Variants in DIS3L2 observed in about 807,000 individuals in gnomAD.
DIS3L2 encodes the protein DIS3 like 3'-5' exoribonuclease 2, also known as DIS3-like exonuclease 2.
Under a neutral mutation model 97.5 loss-of-function variants are expected in DIS3L2, and 34 were observed. The ratio of observed to expected loss-of-function variants is 0.35; its 90% CI spans 0.27 to 0.46. The LOEUF (loss-of-function observed/expected upper bound fraction) is 0.46, where lower values mean the gene tolerates loss of function less well. Among genes scored for constraint, DIS3L2 ranks in the 20% least tolerant of loss-of-function variants. The pLI, the probability that DIS3L2 is intolerant of heterozygous loss-of-function variation, is 1.00. For missense variants in DIS3L2, 1,038 were observed against 1,146.0 expected (o/e 0.91, Z 1.36); for synonymous variants, 435 against 445.2 (o/e 0.98, Z 0.29).
chr2:232,329,519 A>G (rs1396040702), intron 14 of DIS3L2: 2 of 363,954 alleles, frequency 5.5e-6, no homozygotes, highest in East Asian at 8.1e-5. Context: ...GCAGTGAATT[A>G]TTTAATAGAT....
rs1343991695 is a variant in DIS3L2, at chr2:232,333,893, C to A, written c.2064C>A (p.His688Gln). 6.2e-7 allele frequency: 1 copy of A among 1,612,926 alleles called. No individual in the cohort carries two copies. ...TGCAGGACCCAGCGCAGTTCCGGCA[C>A]TACGCGCTCAATGTGCCCCTGTACA... ...GLLQDPAQFR[H>Q]YALNVPLYTH... The change falls in exon 17 of 21, where the codon CAC (histidine) becomes CAA (glutamine). Residue 688 changes from histidine (H) to glutamine (Q), a missense_variant. Coordinates refer to ENST00000325385, the MANE Select transcript of DIS3L2 (RefSeq NM_152383.5).
intron 14 of DIS3L2, among the ~76,000 whole-genome samples, chr2:232,323,277 G>A (rs1695486110): frequency 6.6e-6 from 1 of 152,224 alleles, no homozygotes; most frequent in South Asian, 2.1e-4. Context: ...CCGAACTTGG[G>A]GAGCGAATGA....
At chr2:232,192,631 C>T (rs1691644538) in intron 9 of DIS3L2, among the ~76,000 whole-genome samples, 1 of 152,188 alleles carries the variant, frequency 6.6e-6, no homozygotes, top group Admixed American at 6.5e-5. Flanking sequence ...TCTGCCTCCC[C>T]ACACCTGGAG....
intron 5 of DIS3L2, among the ~76,000 whole-genome samples, chr2:232,048,601 G>C (rs1299274739): frequency 2.0e-5 from 3 of 152,010 alleles, no homozygotes; most frequent in Non-Finnish European, 4.4e-5. Context: ...GTGTGGCGGG[G>C]TGCGCCTGTA....
At chr2:232,332,807 C>A (rs534134842) in intron 16 of DIS3L2, among the ~76,000 whole-genome samples, 2 of 152,170 alleles carry the variant, frequency 1.3e-5, no homozygotes, top group Non-Finnish European at 2.9e-5. Context: ...CAGAGGTGCC[C>A]GGGTGAAGCG....
At chr2:232,101,257 CTG>C in intron 6 of DIS3L2, among the ~76,000 whole-genome samples, 1 of 151,066 alleles carries the variant, frequency 6.6e-6, no homozygotes, top group East Asian at 1.9e-4. Context: ...ATTTAAAAAT[CTG>C]TGTCTGTAAA....
chr2:232,105,480 T>C lies in DIS3L2; in HGVS notation c.601+17759T>C, dbSNP rs558338914. 5.4e-4 allele frequency among the ~76,000 whole-genome samples: 82 copies of C among 152,326 alleles called. 2 individuals carry two copies. The South Asian group carries it at 0.016, about 30-fold the overall frequency. ...ATAACTGGAGCTTGCCCAGCTCTTT[T>C]TCAGGCTTTTCCTTTTCACTTCTTT... is the stretch of plus-strand genomic sequence containing the variant. On this transcript the variant is annotated intron_variant, in intron 6 of 20. Coordinates refer to ENST00000325385, the MANE Select transcript of DIS3L2 (RefSeq NM_152383.5).
chr2:232,175,783 C>T (rs1208296208), intron 9 of DIS3L2, among the ~76,000 whole-genome samples: 3 of 151,692 alleles, frequency 2.0e-5, no homozygotes, highest in Non-Finnish European at 2.9e-5. Context: ...GTGTGTGTGT[C>T]GGCGATGGGT....
chr2:232,131,131 A>T (rs536848532), intron 7 of DIS3L2: 2 of 161,192 alleles, frequency 1.2e-5, no homozygotes, highest in East Asian at 3.5e-4. Flanking sequence ...TACCTAATTT[A>T]AAAATAATTT....
intron 1 of DIS3L2, among the ~76,000 whole-genome samples, chr2:231,980,114 C>T (rs1023500589): frequency 6.6e-6 from 1 of 152,136 alleles, no homozygotes; most frequent in Non-Finnish European, 1.5e-5. Flanking sequence ...TAGAGCAGGT[C>T]TTTTCTCGTT....
intron 5 of DIS3L2, among the ~76,000 whole-genome samples, chr2:232,071,747 C>T (rs1226090768): frequency 6.6e-6 from 1 of 152,002 alleles, no homozygotes; most frequent in Non-Finnish European, 1.5e-5. Flanking sequence ...ACTATGTTGC[C>T]CAGGTTGGTC....
At chr2:232,088,776 A>C (rs994847719) in intron 6 of DIS3L2, among the ~76,000 whole-genome samples, 2 of 152,212 alleles carry the variant, frequency 1.3e-5, no homozygotes, top group Non-Finnish European at 2.9e-5. Context: ...ACCTGACCAC[A>C]CTTGAAGAGA....
chr2:232,289,362 T>A (rs186854107), intron 13 of DIS3L2, among the ~76,000 whole-genome samples: 5 of 151,674 alleles, frequency 3.3e-5, no homozygotes, highest in African/African-American at 1.2e-4. Context: ...AACCTCCGCC[T>A]CCTGGGTTCA....
At chr2:232,119,413 C>T (rs1407790507) in intron 6 of DIS3L2, among the ~76,000 whole-genome samples, 1 of 152,170 alleles carries the variant, frequency 6.6e-6, no homozygotes, top group Admixed American at 6.5e-5. Context: ...GAAGCTTGGC[C>T]TCTTTCAGAA....
chr2:232,314,540 C>G (rs887165020), intron 14 of DIS3L2, among the ~76,000 whole-genome samples: 10 of 152,282 alleles, frequency 6.6e-5, no homozygotes, highest in African/African-American at 2.4e-4. Context: ...ATGGATGCCC[C>G]AAGAGATTTC....
chr2:232,234,825 T>C (rs1692889166), intron 10 of DIS3L2, among the ~76,000 whole-genome samples: 1 of 152,204 alleles, frequency 6.6e-6, no homozygotes, highest in Admixed American at 6.5e-5. Context: ...CACAGATGTC[T>C]AGTGCGGGCA....
chr2:232,116,740 G>T (rs1446563997), intron 6 of DIS3L2, among the ~76,000 whole-genome samples: 3 of 152,094 alleles, frequency 2.0e-5, no homozygotes, highest in African/African-American at 7.2e-5. Flanking sequence ...TAGAATGTCC[G>T]CCATTAAGGA....
chr2:232,048,647 GC>G (rs1244751933), intron 5 of DIS3L2, among the ~76,000 whole-genome samples: 1 of 152,016 alleles, frequency 6.6e-6, no homozygotes, highest in East Asian at 1.9e-4. Context: ...CAGAAGAATG[GC>G]GTGAACCTGG....
Position 232,336,271 on chromosome 2 carries a change from T to C in DIS3L2, c.2497-198T>C, listed in dbSNP as rs1232844215. ...TGTGTTTCATAAGCCTTGGGAGCGC[T>C]CAGGATGCATCTGACTCCCCAACTC... On this transcript the variant is annotated intron_variant, in intron 20 of 20. Transcript: ENST00000325385. 6 of 1,545,506 alleles carry C rather than the reference T, an allele frequency of 3.9e-6. No homozygotes were observed. The African/African-American group carries it at 4.1e-5, about 11-fold the overall frequency.
Sources: gnomAD v4.1 joint callset for allele counts (sites outside exome capture counted in the v4.1 genomes callset) on GRCh38, gnomAD v4.1.1 for gene constraint, MANE v1.5 for transcripts, NCBI Gene and HGNC (gene_info 2026-07-23, HGNC 2026-07-21) for gene names.